KAZN: variants seen among roughly 807,000 people sequenced by gnomAD.
The protein encoded by KAZN is kazrin.
In KAZN, 40 loss-of-function variants were observed where a neutral mutation model predicts 87.4. The observed-to-expected ratio is 0.46, with a 90% CI of 0.36 to 0.60. The LOEUF is 0.60. Among genes scored for constraint, KAZN ranks in the 20% least tolerant of loss-of-function variants. The pLI is 0.00. For missense variants in KAZN, 898 were observed against 1,073.9 expected (o/e 0.84, Z 2.29); for synonymous variants, 466 against 458.3 (o/e 1.02, Z -0.22).
chr1:14,384,225 T>G (rs998531323), intron 2 of KAZN, among the ~76,000 whole-genome samples: 2 of 151,714 alleles, frequency 1.3e-5, no homozygotes, highest in Non-Finnish European at 2.9e-5. Context: ...GCTGAGACAA[T>G]GGGGTTTTCT....
chr1:14,354,774 C>T (rs1641294760), intron 2 of KAZN, among the ~76,000 whole-genome samples: 1 of 151,898 alleles, frequency 6.6e-6, no homozygotes, highest in Admixed American at 6.6e-5. Flanking sequence ...AAAATGTTCC[C>T]ATCAGTTTTG....
intron 1 of KAZN, among the ~76,000 whole-genome samples, chr1:14,637,089 C>T (rs1041853956): frequency 1.3e-5 from 2 of 152,172 alleles, no homozygotes; most frequent in Non-Finnish European, 2.9e-5. Context: ...CTGACTTTCT[C>T]ATTCCTGTGG....
chr1:14,655,151 C>G (rs918172202), intron 1 of KAZN, among the ~76,000 whole-genome samples: 3 of 137,070 alleles, frequency 2.2e-5, no homozygotes, highest in Admixed American at 6.9e-5. Flanking sequence ...TTTGTGAACA[C>G]TCATCTGGCC....
intron 1 of KAZN, among the ~76,000 whole-genome samples, chr1:14,854,812 C>G (rs950033952): frequency 6.6e-6 from 1 of 152,044 alleles, no homozygotes; most frequent in African/African-American, 2.4e-5. Context: ...TCCCCTAGTT[C>G]CTAAAGGGAA....
At chr1:14,010,328 T>C (rs1271342665) in intron 1 of KAZN, among the ~76,000 whole-genome samples, 1 of 152,214 alleles carries the variant, frequency 6.6e-6, no homozygotes, top group Non-Finnish European at 1.5e-5. Context: ...TGATACATCA[T>C]CTTCTGGACT....
At chr1:14,543,080 C>T (rs537634428) in intron 2 of KAZN, among the ~76,000 whole-genome samples, 24 of 152,302 alleles carry the variant, frequency 1.6e-4, no homozygotes, top group African/African-American at 5.5e-4. Flanking sequence ...TCCTAACTAG[C>T]TGGGTCACCG....
At chr1:13,904,129 A>C (rs1639351625) in intron 1 of KAZN, among the ~76,000 whole-genome samples, 1 of 152,196 alleles carries the variant, frequency 6.6e-6, no homozygotes, top group South Asian at 2.1e-4. Context: ...GGCTGGGTAG[A>C]GGGATCCAAA....
chr1:14,497,465 A>G (rs1230589578), intron 2 of KAZN, among the ~76,000 whole-genome samples: 2 of 152,142 alleles, frequency 1.3e-5, no homozygotes, highest in African/African-American at 2.4e-5. Flanking sequence ...ACAAAAGTAA[A>G]TCAGAGTCAT....
chr1:14,883,409 A>AAGAAAGAAAGAAAGAAAG (rs1653688997), intron 1 of KAZN, among the ~76,000 whole-genome samples: 1 of 146,490 alleles, frequency 6.8e-6, no homozygotes, highest in African/African-American at 2.7e-5. Context: ...GAAAGAAAGA[A>AAGAAAGAAAGAAAGAAAG]AGAAAGAAAG....
At chr1:15,064,126 T>C (rs1639036052) in intron 7 of KAZN, among the ~76,000 whole-genome samples, 1 of 152,234 alleles carries the variant, frequency 6.6e-6, no homozygotes, top group South Asian at 2.1e-4. Context: ...TGCTAGAAAC[T>C]TGATTCATTT....
At chr1:14,550,422 G>T (rs1400469007) in intron 2 of KAZN, among the ~76,000 whole-genome samples, 9 of 152,180 alleles carry the variant, frequency 5.9e-5, no homozygotes, top group Non-Finnish European at 1.2e-4. Flanking sequence ...GGGTGAAAAG[G>T]TTCCAGGTGA....
chr1:14,974,915 G>C (rs943588357), intron 2 of KAZN, among the ~76,000 whole-genome samples: 17 of 152,210 alleles, frequency 1.1e-4, no homozygotes, highest in Admixed American at 9.8e-4. Flanking sequence ...TGTTAAATAT[G>C]TACAGTTCAT....
intron 1 of KAZN, among the ~76,000 whole-genome samples, chr1:14,795,345 C>T (rs1420018144): frequency 2.0e-5 from 3 of 152,054 alleles, no homozygotes; most frequent in African/African-American, 4.8e-5. Context: ...GAGCACAACA[C>T]GGGGTCTTAG....
At chr1:14,427,295 T>G (rs1037569591) in intron 2 of KAZN, among the ~76,000 whole-genome samples, 4 of 152,214 alleles carry the variant, frequency 2.6e-5, no homozygotes, top group African/African-American at 9.6e-5. Flanking sequence ...TTAAGCTCTC[T>G]TGGCTTCAGT....
chr1:14,193,576 A>G (rs897049312), intron 2 of KAZN, among the ~76,000 whole-genome samples: 8 of 152,050 alleles, frequency 5.3e-5, no homozygotes, highest in East Asian at 3.9e-4. Flanking sequence ...TCAGCCACCC[A>G]GTCTGTGCTA....
chr1:13,934,915 G>C (rs1640662635), intron 1 of KAZN, among the ~76,000 whole-genome samples: 1 of 152,116 alleles, frequency 6.6e-6, no homozygotes, highest in Admixed American at 6.6e-5. Flanking sequence ...TTTACCGAGA[G>C]ATGAAATGAA....
chr1:14,267,468 A>G (rs116016051), intron 2 of KAZN, among the ~76,000 whole-genome samples: 1,734 of 152,204 alleles, frequency 0.011, 47 homozygotes, highest in African/African-American at 0.04. Flanking sequence ...CCCATGGGCC[A>G]AGGATTGGAC....
chr1:14,114,406 AGGAAGTGGTTTAGG>A (rs1206368167), intron 1 of KAZN, among the ~76,000 whole-genome samples: 3 of 152,066 alleles, frequency 2.0e-5, no homozygotes, highest in African/African-American at 7.2e-5. Context: ...AGAATCAGGA[AGGAAGTGGTTTAGG>A]TGTTTGAAAC....
intron 2 of KAZN, among the ~76,000 whole-genome samples, chr1:14,976,526 C>T (rs988312773): frequency 6.6e-6 from 1 of 152,174 alleles, no homozygotes; most frequent in African/African-American, 2.4e-5. Flanking sequence ...GCACATTGCC[C>T]GAGGGAAGAA....
Sources: allele counts gnomAD v4.1 joint callset (sites outside exome capture counted in the v4.1 genomes callset), GRCh38; gene constraint gnomAD v4.1.1; transcripts MANE v1.5; gene names NCBI Gene and HGNC (gene_info 2026-07-23, HGNC 2026-07-21).